Variants in PFKP observed in about 807,000 individuals in gnomAD.
PFKP encodes the protein phosphofructokinase, platelet.
A neutral mutation model predicts 94.3 loss-of-function variants in PFKP; 101 were observed. The observed-to-expected ratio is 1.07, with a 90% CI of 0.91 to 1.26. The LOEUF (loss-of-function observed/expected upper bound fraction) is 1.26, where lower values mean the gene tolerates loss of function less well. Ranked by LOEUF, PFKP falls within the 50% of genes most tolerant of loss-of-function variation. PFKP has a pLI of 0.00. For synonymous variants in PFKP, 573 were observed against 432.6 expected (o/e 1.32, Z -4.03); for missense variants, 1,145 against 1,103.3 (o/e 1.04, Z -0.53).
intron 13 of PFKP, among the ~76,000 whole-genome samples, chr10:3,116,133 A>AATATATAT (rs140713081): frequency 0.015 from 2,281 of 151,032 alleles, 28 homozygotes; most frequent in Non-Finnish European, 0.022. Context: ...GGTTCTGTCA[A>AATATATAT]ATATATATAT....
intron 3 of PFKP, among the ~76,000 whole-genome samples, chr10:3,100,588 C>T (rs1418180524): frequency 6.6e-6 from 1 of 152,138 alleles, no homozygotes; most frequent in Non-Finnish European, 1.5e-5. Context: ...GCAGGGAGAG[C>T]TTCGCCTCCA....
chr10:3,099,214 G>T, intron 2 of PFKP, 61 bp from the exon 3 acceptor site: 3 of 1,266,782 alleles, frequency 2.4e-6, no homozygotes, highest in Non-Finnish European at 3.5e-6. Flanking sequence ...ATAATTTAAG[G>T]ATCACTTCCC....
At chr10:3,081,580 G>T (rs561077432) in intron 1 of PFKP, among the ~76,000 whole-genome samples, 1 of 152,302 alleles carries the variant, frequency 6.6e-6, no homozygotes, top group East Asian at 1.9e-4. Flanking sequence ...CTCCTCTCCC[G>T]ATGGGCCTGA....
At chr10:3,068,402 C>T (rs1172481067) in intron 1 of PFKP, among the ~76,000 whole-genome samples, 1 of 152,190 alleles carries the variant, frequency 6.6e-6, no homozygotes, top group Non-Finnish European at 1.5e-5. Context: ...GTTTCCTGCG[C>T]TCGCATGTGC....
At chr10:3,076,042 T>TAAAAAAA (rs199584217) in intron 1 of PFKP, among the ~76,000 whole-genome samples, 1 of 122,182 alleles carries the variant, frequency 8.2e-6, no homozygotes, top group African/African-American at 3.1e-5. Context: ...AAAAAAAAAG[T>TAAAAAAA]AAAAACCGGT....
At chr10:3,098,990 C>T (rs1351529244) in intron 2 of PFKP, among the ~76,000 whole-genome samples, 1 of 152,152 alleles carries the variant, frequency 6.6e-6, no homozygotes, top group Non-Finnish European at 1.5e-5. Flanking sequence ...GAAACACGAC[C>T]CTTTCAACCT....
At chr10:3,135,462 T>A (rs1839143725) in intron 20 of PFKP, among the ~76,000 whole-genome samples, 2 of 152,208 alleles carry the variant, frequency 1.3e-5, no homozygotes, top group Middle Eastern at 3.2e-3. Flanking sequence ...TTAAGCTAAT[T>A]TCCCTATTCC....
intron 7 of PFKP, among the ~76,000 whole-genome samples, chr10:3,105,947 G>A (rs950902357): frequency 1.4e-4 from 21 of 152,214 alleles, no homozygotes; most frequent in African/African-American, 4.8e-4. Context: ...CGTGACTGCC[G>A]TGAGCATAGG....
chr10:3,120,300 C>T (rs929114183), intron 16 of PFKP, among the ~76,000 whole-genome samples: 41 of 152,020 alleles, frequency 2.7e-4, no homozygotes, highest in African/African-American at 9.2e-4. Flanking sequence ...CAGGGGTGCC[C>T]GTGAGCACCC....
At chr10:3,092,234 G>T (rs1834101703) in intron 2 of PFKP, among the ~76,000 whole-genome samples, 1 of 152,174 alleles carries the variant, frequency 6.6e-6, no homozygotes, top group African/African-American at 2.4e-5. Flanking sequence ...AGCTTCCCTT[G>T]TTTCAGCCCT....
intron 1 of PFKP, among the ~76,000 whole-genome samples, chr10:3,079,056 C>T (rs922047865): frequency 6.6e-6 from 1 of 152,208 alleles, no homozygotes; most frequent in Non-Finnish European, 1.5e-5. Flanking sequence ...CATGGGGGTG[C>T]TGCGGCCGCT....
chr10:3,105,242 C>A, intron 6 of PFKP, 83 bp downstream of exon 6: 2 of 1,406,456 alleles, frequency 1.4e-6, no homozygotes, highest in Non-Finnish European at 1.0e-6. Flanking sequence ...ACCCCACATC[C>A]TGAATGCTCC....
intron 1 of PFKP, 110 bp downstream of exon 1, chr10:3,067,817 G>C (rs1160145665): frequency 1.7e-5 from 6 of 346,278 alleles, no homozygotes; most frequent in East Asian, 6.8e-5. Flanking sequence ...CGATGGGGGG[G>C]ACCCGGGGAA....
rs531167019 is a variant in PFKP, at chr10:3,090,572, T to C, written c.186+8111T>C. On this transcript the variant is annotated intron_variant, in intron 2 of 21. Transcript: ENST00000381125. The stretch of plus-strand genomic sequence containing the variant: ...AGGCTCAGCCCCCTCCCCGGCCTGG[T>C]CTCTGCGTCATACCCACAGGCTGGG... Among the ~76,000 whole-genome samples, 12 of 152,026 alleles carry C rather than the reference T, an allele frequency of 7.9e-5. 1 individual carries two copies. Among genetic ancestry groups the C allele is most frequent in the Admixed American group, 7.9e-4 (12 of 15,268 alleles).
chr10:3,068,276 G>T (rs1052296850), intron 1 of PFKP, among the ~76,000 whole-genome samples: 1 of 152,206 alleles, frequency 6.6e-6, no homozygotes, highest in Non-Finnish European at 1.5e-5. Flanking sequence ...CGCGGCGTGG[G>T]CGGGGTCCTG....
intron 2 of PFKP, among the ~76,000 whole-genome samples, chr10:3,083,898 C>T (rs1478892310): frequency 6.6e-6 from 1 of 152,154 alleles, no homozygotes; most frequent in African/African-American, 2.4e-5. Flanking sequence ...CTGCCTTGGC[C>T]TCCCAAAATG....
In PFKP at chr10:3,124,955, C is replaced by G. The variant is rs576497297; in HGVS notation, c.1684-4864C>G. On this transcript the variant is annotated intron_variant, in intron 16 of 21. Coordinates refer to ENST00000381125, the MANE Select transcript of PFKP (RefSeq NM_002627.5). ...TGCTCTCGCACGGCCTCCAGAGCCTCCCTCGGCCCCTTGACCCGCATGAAC... is the reference window on the plus strand; with the variant it reads ...TGCTCTCGCACGGCCTCCAGAGCCTGCCTCGGCCCCTTGACCCGCATGAAC... 1.6e-4 allele frequency: 89 copies of G among 565,452 alleles called. No homozygotes were observed. The African/African-American group carries it at 1.8e-3, about 11-fold the overall frequency. 35.0% of individuals were successfully genotyped at this position (565,452 alleles called of 1,614,324 possible).
At position 3,103,891 on chromosome 10, in the gene PFKP, C is replaced by T. The variant is rs545165166; in HGVS notation, c.567C>T (p.Ser189=). 1.5e-4 allele frequency: 245 copies of T among 1,613,986 alleles called. No individual in the cohort carries two copies. Among genetic ancestry groups the T allele is most frequent in the Middle Eastern group, 3.3e-4 (2 of 6,062 alleles). Residue 189 remains serine (S), a synonymous_variant, in exon 5 of 22, where the codon TCC becomes TCT. Transcript: ENST00000381125. ...CCGACATGACCATCGGCACGGACTC[C>T]GCCCTGCACAGGATCATCGAGGTCG... ...CGTDMTIGTD[S]ALHRIIEVVD...
intron 3 of PFKP, chr10:3,100,863 A>AT: frequency 6.3e-6 from 1 of 158,326 alleles, no homozygotes; most frequent in Non-Finnish European, 8.6e-6. Context: ...TATGTGGTGC[A>AT]AAAAAAAAAA....
Sources: allele counts gnomAD v4.1 joint callset (sites outside exome capture counted in the v4.1 genomes callset), GRCh38; gene constraint gnomAD v4.1.1; transcripts MANE v1.5; gene names NCBI Gene and HGNC (gene_info 2026-07-23, HGNC 2026-07-21).